Variants in RHOJ observed in about 807,000 individuals in gnomAD.
RHOJ encodes the protein ras homolog family member J, also known as rho-related GTP-binding protein RhoJ.
In RHOJ, 11 loss-of-function variants were observed where a neutral mutation model predicts 23.4. The ratio of observed to expected loss-of-function variants is 0.47; its 90% CI spans 0.30 to 0.78. The LOEUF is 0.78. Ranked by LOEUF, RHOJ falls within the 30% of genes least tolerant of loss-of-function variation. The pLI, the probability that RHOJ is intolerant of heterozygous loss-of-function variation, is 0.08. For missense variants in RHOJ, 254 were observed against 273.4 expected, an observed-to-expected ratio of 0.93 and a Z score of 0.50; for synonymous variants, 102 against 102.7, an observed-to-expected ratio of 0.99 and a Z score of 0.04.
chr14:63,266,798 T>C (rs567848585), intron 1 of RHOJ, among the ~76,000 whole-genome samples: 1 of 152,322 alleles, frequency 6.6e-6, no homozygotes, highest in East Asian at 1.9e-4. Flanking sequence ...TCTATGAGCC[T>C]TTTGGCAGAG....
At chr14:63,266,237 A>G (rs1409373621) in intron 1 of RHOJ, among the ~76,000 whole-genome samples, 2 of 152,136 alleles carry the variant, frequency 1.3e-5, no homozygotes, top group East Asian at 3.9e-4. Context: ...TCAGGTTGCA[A>G]TTTGGTATCT....
In RHOJ at chr14:63,291,749, A is replaced by T. The variant is rs967937609; in HGVS notation, c.*725A>T. ...AAACCATCTGAATTGTTGCAGGTCC[A>T]CATTTTTGCCAAAGATACACTCTAT... On this transcript the variant is annotated 3_prime_UTR_variant, in exon 5 of 5. Coordinates refer to ENST00000316754, the MANE Select transcript of RHOJ (RefSeq NM_020663.5). The T allele has an allele frequency of 1.3e-5, 2 of 154,724 alleles. No individual in the cohort carries two copies. Among genetic ancestry groups the T allele is most frequent in the African/African-American group, 4.8e-5 (2 of 41,474 alleles). The allele number at this position is 154,724 out of a possible 1,614,324, so 9.6% of individuals were successfully genotyped here.
At chr14:63,235,727 C>A (rs533471619) in intron 1 of RHOJ, among the ~76,000 whole-genome samples, 33 of 152,290 alleles carry the variant, frequency 2.2e-4, no homozygotes, top group Non-Finnish European at 3.2e-4. Context: ...TCTGCTGCAA[C>A]ACACACTATT....
intron 2 of RHOJ, among the ~76,000 whole-genome samples, chr14:63,275,555 T>C (rs1881689747): frequency 6.6e-6 from 1 of 152,142 alleles, no homozygotes. Flanking sequence ...AAACTGAACA[T>C]GTTCTTGCCT....
intron 1 of RHOJ, among the ~76,000 whole-genome samples, chr14:63,258,981 C>G (rs1170617797): frequency 2.0e-5 from 3 of 152,048 alleles, no homozygotes; most frequent in African/African-American, 7.2e-5. Context: ...ACTCTGTTGC[C>G]CAGGCTGGAG....
intron 1 of RHOJ, among the ~76,000 whole-genome samples, chr14:63,219,296 A>AC (rs1298611251): frequency 1.3e-5 from 2 of 152,186 alleles, no homozygotes; most frequent in Non-Finnish European, 2.9e-5. Flanking sequence ...GTTCAGTAAA[A>AC]AAAAGTTAGC....
chr14:63,209,652 A>C, intron 1 of RHOJ, among the ~76,000 whole-genome samples: 1 of 152,202 alleles, frequency 6.6e-6, no homozygotes, highest in East Asian at 1.9e-4. Flanking sequence ...AGCTTCAAAA[A>C]ACAAAGTCCT....
In RHOJ at chr14:63,204,895, G is replaced by A. The variant is rs1438389759; in HGVS notation, c.26G>A (p.Ser9Asn). 3 of 1,613,834 alleles carry A rather than the reference G, an allele frequency of 1.9e-6. No individual in the cohort carries two copies. The highest frequency in any genetic ancestry group is 1.7e-6 in the Non-Finnish European group (2 of 1,179,938). Residue 9 changes from serine to asparagine, a missense_variant, in exon 1 of 5, where the codon AGC (serine) becomes AAC (asparagine). Coordinates refer to ENST00000316754, the MANE Select transcript of RHOJ (RefSeq NM_020663.5). Reference sequence around the variant, plus strand: ...ATGAACTGCAAAGAGGGAACTGACAGCAGCTGCGGCTGCAGGGGCAACGAC... The same window carrying A: ...ATGAACTGCAAAGAGGGAACTGACAACAGCTGCGGCTGCAGGGGCAACGAC... MNCKEGTD[S>N]SCGCRGNDEK...
At chr14:63,229,502 G>A (rs946895017) in intron 1 of RHOJ, among the ~76,000 whole-genome samples, 3 of 149,538 alleles carry the variant, frequency 2.0e-5, no homozygotes, top group African/African-American at 7.4e-5. Context: ...TTTTTTTTTT[G>A]CAGAATTCAT....
intron 1 of RHOJ, among the ~76,000 whole-genome samples, chr14:63,256,838 T>C (rs879907377): frequency 1.3e-5 from 2 of 148,724 alleles, no homozygotes; most frequent in Non-Finnish European, 3.0e-5. Context: ...CTTTGGGAGG[T>C]CGAGGCAGGC....
chr14:63,213,606 A>T (rs985537696), intron 1 of RHOJ, among the ~76,000 whole-genome samples: 4 of 152,086 alleles, frequency 2.6e-5, no homozygotes, highest in African/African-American at 9.7e-5. Context: ...ATGTAAGTTC[A>T]TGTGTCTTTT....
At chr14:63,236,554 C>T (rs769671743) in intron 1 of RHOJ, among the ~76,000 whole-genome samples, 1 of 152,098 alleles carries the variant, frequency 6.6e-6, no homozygotes. Flanking sequence ...ACCACAAGAA[C>T]GGCACGGGAA....
At chr14:63,284,396 T>C in intron 4 of RHOJ, 1 of 960,174 alleles carries the variant, frequency 1.0e-6, no homozygotes, top group Non-Finnish European at 1.2e-6. Flanking sequence ...CCTAAGTACT[T>C]AATAATATCT....
At chr14:63,234,513 AG>A (rs1341400566) in intron 1 of RHOJ, among the ~76,000 whole-genome samples, 11 of 152,228 alleles carry the variant, frequency 7.2e-5, no homozygotes, top group African/African-American at 2.7e-4. Flanking sequence ...CTTTCGCTTC[AG>A]TATAAAAGAC....
At chr14:63,240,299 A>G (rs1386863157) in intron 1 of RHOJ, among the ~76,000 whole-genome samples, 4 of 152,212 alleles carry the variant, frequency 2.6e-5, no homozygotes, top group Non-Finnish European at 5.9e-5. Context: ...ATCCTTTTCA[A>G]AGATGCACAT....
intron 1 of RHOJ, among the ~76,000 whole-genome samples, chr14:63,218,418 C>A (rs1894412181): frequency 6.6e-6 from 1 of 152,136 alleles, no homozygotes; most frequent in Admixed American, 6.5e-5. Flanking sequence ...CTTGGCTCAA[C>A]AGTTTTTGGT....
intron 4 of RHOJ, among the ~76,000 whole-genome samples, chr14:63,285,474 C>G (rs1882051653): frequency 6.6e-6 from 1 of 152,086 alleles, no homozygotes; most frequent in Non-Finnish European, 1.5e-5. Context: ...CTGTTCAATA[C>G]TTTTCCATTT....
chr14:63,285,578 A>G (rs1312915435), intron 4 of RHOJ, among the ~76,000 whole-genome samples: 2 of 152,142 alleles, frequency 1.3e-5, no homozygotes, highest in African/African-American at 2.4e-5. Context: ...ACAATTCTTT[A>G]TACTCCAAAG....
chr14:63,229,106 G>T (rs371141955), intron 1 of RHOJ, among the ~76,000 whole-genome samples: 1 of 152,178 alleles, frequency 6.6e-6, no homozygotes, highest in Non-Finnish European at 1.5e-5. Context: ...CAAAATGCTC[G>T]TCAAGAAAAA....
Sources: gnomAD v4.1 joint callset for allele counts (sites outside exome capture counted in the v4.1 genomes callset) on GRCh38, gnomAD v4.1.1 for gene constraint, MANE v1.5 for transcripts, NCBI Gene and HGNC (gene_info 2026-07-23, HGNC 2026-07-21) for gene names.